Variants in LRRC37A2 observed in about 807,000 individuals in gnomAD.
LRRC37A2 encodes the protein leucine rich repeat containing 37 member A2.
A neutral mutation model predicts 68.8 loss-of-function variants in LRRC37A2; 9 were observed. That is an observed-to-expected ratio of 0.13 (90% CI 0.08 to 0.23). LRRC37A2 has a LOEUF of 0.23. LRRC37A2 is among the 10% of genes least tolerant of loss of function. The probability of loss-of-function intolerance (pLI) is 1.00; values close to 1 mark genes in which losing one functional copy is unlikely to be tolerated. For missense variants in LRRC37A2, 168 were observed against 950.4 expected (o/e 0.18, Z 10.82); for synonymous variants, 63 against 367.6 (o/e 0.17, Z 9.48).
At chr17:46,406,066 G>A in the LRRC37A2 span, among the ~76,000 whole-genome samples, 1 of 72,600 alleles carries the variant, frequency 1.4e-5, no homozygotes, top group South Asian at 7.0e-4. Flanking sequence ...TTTATAATAT[G>A]CATAACATTT....
chr17:47,000,079 A>AT, the LRRC37A2 span, among the ~76,000 whole-genome samples: 4,572 of 16,754 alleles, frequency 0.27, 367 homozygotes, highest in Admixed American at 0.31. Flanking sequence ...TAAAATAAAA[A>AT]ATAAAATAAA....
chr17:47,012,541 A>G, the LRRC37A2 span, among the ~76,000 whole-genome samples: 4 of 152,192 alleles, frequency 2.6e-5, no homozygotes, highest in African/African-American at 9.7e-5. Context: ...TAATAAAAAG[A>G]AAACTCAATT....
At chr17:46,934,262 G>A in the LRRC37A2 span, among the ~76,000 whole-genome samples, 1 of 150,618 alleles carries the variant, frequency 6.6e-6, no homozygotes, top group Non-Finnish European at 1.5e-5. Flanking sequence ...TCTATAAAAT[G>A]GGGAGGCCTG....
chr17:46,862,286 C>T, the LRRC37A2 span, among the ~76,000 whole-genome samples: 3 of 151,902 alleles, frequency 2.0e-5, no homozygotes, highest in Admixed American at 6.6e-5. Context: ...AGAAAGGTAA[C>T]GTATCGTATA....
chr17:46,748,168 C>T, the LRRC37A2 span, among the ~76,000 whole-genome samples: 1 of 152,042 alleles, frequency 6.6e-6, no homozygotes, highest in Non-Finnish European at 1.5e-5. Context: ...AGTGCAATGG[C>T]GTGATCTTGG....
the LRRC37A2 span, among the ~76,000 whole-genome samples, chr17:46,727,616 T>C: frequency 1.3e-5 from 2 of 152,192 alleles, no homozygotes; most frequent in African/African-American, 4.8e-5. Context: ...GGTATATCTG[T>C]GAGGTCTCCA....
At chr17:46,631,088 A>ACACACACACACACACG in the LRRC37A2 span, among the ~76,000 whole-genome samples, 12 of 145,918 alleles carry the variant, frequency 8.2e-5, no homozygotes, top group East Asian at 2.2e-3. Flanking sequence ...ACACACACAC[A>ACACACACACACACACG]CACACACACA....
chr17:46,981,547 G>A, the LRRC37A2 span, among the ~76,000 whole-genome samples: 4 of 152,180 alleles, frequency 2.6e-5, no homozygotes, highest in East Asian at 5.8e-4. Context: ...CTCCTAGACT[G>A]TGAGAAATTA....
the LRRC37A2 span, among the ~76,000 whole-genome samples, chr17:46,825,579 C>T: frequency 6.6e-6 from 1 of 152,220 alleles, no homozygotes; most frequent in South Asian, 2.1e-4. Flanking sequence ...ATTTCTTCAA[C>T]GCATCTTCAT....
chr17:46,583,207 G>A, the LRRC37A2 span, among the ~76,000 whole-genome samples: 2 of 65,224 alleles, frequency 3.1e-5, no homozygotes, highest in African/African-American at 8.6e-5. Context: ...CAGGTGATCC[G>A]CCCACCTCAG....
chr17:46,458,802 A>G, the LRRC37A2 span, among the ~76,000 whole-genome samples: 5 of 109,020 alleles, frequency 4.6e-5, no homozygotes, highest in Non-Finnish European at 1.0e-4. Flanking sequence ...TGGCCTCCCA[A>G]AGTGCTGAGA....
chr17:46,873,159 GA>G, the LRRC37A2 span, among the ~76,000 whole-genome samples: 2 of 151,668 alleles, frequency 1.3e-5, no homozygotes, highest in Non-Finnish European at 2.9e-5. Flanking sequence ...AAGACGTGAG[GA>G]TGGGCGGCAG....
the LRRC37A2 span, chr17:46,998,685 G>A: frequency 2.0e-5 from 3 of 152,314 alleles, no homozygotes; most frequent in Non-Finnish European, 4.4e-5. Flanking sequence ...ACATGGGCAC[G>A]TGTTATCTGC....
downstream of LRRC37A2, among the ~76,000 whole-genome samples, chr17:46,558,082 G>A (rs1456369464): frequency 2.9e-5 from 4 of 136,482 alleles, no homozygotes; most frequent in Admixed American, 2.9e-4. Flanking sequence ...CTTTTAAGGT[G>A]GAGTTTTGCT....
At chr17:46,726,627 C>T in the LRRC37A2 span, 1 of 1,611,650 alleles carries the variant, frequency 6.2e-7, no homozygotes, top group Admixed American at 1.7e-5. Context: ...TGAGTCCTAA[C>T]TTCTGCTGTT....
chr17:46,894,961 C>A, the LRRC37A2 span, among the ~76,000 whole-genome samples: 1 of 152,182 alleles, frequency 6.6e-6, no homozygotes, highest in African/African-American at 2.4e-5. Context: ...GGCCTGTGCT[C>A]GGGACGGGAC....
the LRRC37A2 span, among the ~76,000 whole-genome samples, chr17:46,905,726 G>GAAGACA: frequency 1.3e-5 from 2 of 151,988 alleles, no homozygotes; most frequent in African/African-American, 4.8e-5. Flanking sequence ...CAGCCCCCTG[G>GAAGACA]AAGACAAACA....
At chr17:46,806,375 A>G in the LRRC37A2 span, among the ~76,000 whole-genome samples, 64 of 151,846 alleles carry the variant, frequency 4.2e-4, 1 homozygote, top group South Asian at 0.013. Flanking sequence ...ACGCCCGGCT[A>G]ATTTTGTATT....
At position 46,530,244 on chromosome 17, in the gene LRRC37A2, GA is replaced by G. The variant is rs2053482680; in HGVS notation, c.2906+6362del. 4.1e-5 allele frequency among the ~76,000 whole-genome samples: 5 copies of G among 121,678 alleles called. No individual in the cohort carries two copies. In the South Asian group the frequency reaches 1.1e-3, roughly 27 times the overall value. The allele number at this position is 121,678 out of a possible 152,430, so 79.8% of individuals were successfully genotyped here. On this transcript the variant is annotated intron_variant, in intron 6 of 14. Transcript: ENST00000576629. ...AAGTGGGCAGAGGAAGATATAGAAT[GA>G]AGGGGTAGCCGACTTTGTACAGAGC... is the stretch of plus-strand genomic sequence containing the variant.
Sources: gnomAD v4.1 joint callset for allele counts (sites outside exome capture counted in the v4.1 genomes callset) on GRCh38, gnomAD v4.1.1 for gene constraint, MANE v1.5 for transcripts, NCBI Gene and HGNC (gene_info 2026-07-23, HGNC 2026-07-21) for gene names.